DNAJA2: variants seen among roughly 807,000 people sequenced by gnomAD.
DNAJA2 encodes DnaJ heat shock protein family (Hsp40) member A2.
A neutral mutation model predicts 49.3 loss-of-function variants in DNAJA2; 6 were observed. That is an observed-to-expected ratio of 0.12 (90% confidence interval 0.07 to 0.24). DNAJA2 has a LOEUF of 0.24. Ranked by LOEUF, DNAJA2 falls within the 10% of genes least tolerant of loss-of-function variation. The pLI is 1.00. For missense variants in DNAJA2, 347 were observed against 516.8 expected, an observed-to-expected ratio of 0.67 and a Z score of 3.19; for synonymous variants, 160 against 172.7, an observed-to-expected ratio of 0.93 and a Z score of 0.58.
intron 6 of DNAJA2, 59 bp from the exon 7 acceptor site, chr16:46,959,478 A>C (rs951793265): frequency 4.1e-6 from 6 of 1,462,064 alleles, no homozygotes; most frequent in Non-Finnish European, 5.7e-6. Context: ...TACACCCTGC[A>C]GCATTATGTT....
At position 46,957,119 on chromosome 16, in the gene DNAJA2, T is replaced by C. The variant is rs752435428; in HGVS notation, c.1149A>G (p.Gly383=). ...LQEFDSTRGS[G]GGQRREAYND... ...TATAGGCTTCACGCCTCTGACCACC[T>C]CCTGAGCCTCGAGTGCTATCAAATT... The change falls in exon 9 of 9, where the codon GGA becomes GGG. Residue 383 remains glycine (G), a synonymous_variant. Transcript: ENST00000317089. 4 of 1,614,040 alleles carry C rather than the reference T, an allele frequency of 2.5e-6. No homozygotes were observed. The African/African-American group carries it at 5.3e-5, about 22-fold the overall frequency.
At chr16:46,966,794 T>G (rs1289249083) in intron 5 of DNAJA2, among the ~76,000 whole-genome samples, 1 of 152,198 alleles carries the variant, frequency 6.6e-6, no homozygotes, top group Non-Finnish European at 1.5e-5. Context: ...ATCTTCCACT[T>G]ATCAGAATAA....
intron 8 of DNAJA2, 43 bp from the exon 9 acceptor site, chr16:46,957,263 C>T: frequency 2.0e-6 from 3 of 1,508,220 alleles, no homozygotes; most frequent in Non-Finnish European, 1.8e-6. Context: ...GTAATATTTT[C>T]ATCAACTTTC....
At chr16:46,972,397 C>T (rs1962065617) in intron 1 of DNAJA2, 1 of 155,734 alleles carries the variant, frequency 6.4e-6, no homozygotes, top group African/African-American at 2.4e-5. Flanking sequence ...TGGCTCACGC[C>T]TTCCTTCTAA....
chr16:46,973,008 C>T (rs1962078780), intron 1 of DNAJA2: 1 of 151,634 alleles, frequency 6.6e-6, no homozygotes, highest in Admixed American at 6.6e-5. Context: ...CCGAGGCGCT[C>T]TGTGGGGGCG....
intron 8 of DNAJA2, among the ~76,000 whole-genome samples, chr16:46,958,150 T>C (rs976042754): frequency 4.6e-5 from 7 of 151,762 alleles, no homozygotes; most frequent in Non-Finnish European, 1.5e-5. Context: ...AACATCTCTA[T>C]AAAAAGTTTT....
chr16:46,962,998 C>T lies in DNAJA2; in HGVS notation c.774+1613G>A, dbSNP rs1287870848. The stretch of plus-strand genomic sequence containing the variant: ...ATGATCACCACAGAAGGACGATCTC[C>T]TTCTTTATCAAATATAACCTTTAAA... On this transcript the variant is annotated intron_variant, in intron 6 of 8. Transcript: ENST00000317089. Among the ~76,000 whole-genome samples, 4 of 152,158 alleles carry T rather than the reference C, an allele frequency of 2.6e-5. No individual in the cohort carries two copies. In the East Asian group the frequency reaches 7.7e-4, roughly 29 times the overall value.
At chr16:46,966,905 A>T (rs1022250139) in intron 5 of DNAJA2, among the ~76,000 whole-genome samples, 3 of 152,222 alleles carry the variant, frequency 2.0e-5, no homozygotes, top group Non-Finnish European at 2.9e-5. Context: ...TATGGTGGTC[A>T]TTCCTACAGA....
At chr16:46,973,153 T>A (rs1415981110) in intron 1 of DNAJA2, among the ~76,000 whole-genome samples, 2 of 152,026 alleles carry the variant, frequency 1.3e-5, no homozygotes, top group African/African-American at 4.8e-5. Context: ...GGTGGTGACC[T>A]CGACGCGAAG....
intron 3 of DNAJA2, among the ~76,000 whole-genome samples, chr16:46,970,480 T>C (rs1297219539): frequency 6.6e-6 from 1 of 152,224 alleles, no homozygotes; most frequent in African/African-American, 2.4e-5. Flanking sequence ...CAGTGGCTTA[T>C]GCCTGTAATC....
chr16:46,958,190 C>T (rs1003266123), intron 8 of DNAJA2, among the ~76,000 whole-genome samples: 9 of 151,924 alleles, frequency 5.9e-5, no homozygotes, highest in African/African-American at 2.2e-4. Context: ...TGGTGGTACA[C>T]ACCCGTAGCA....
At position 46,959,967 on chromosome 16, in the gene DNAJA2, A is replaced by G. The variant is rs561762212; in HGVS notation, c.775-548T>C. On this transcript the variant is annotated intron_variant, in intron 6 of 8. Coordinates refer to ENST00000317089, the MANE Select transcript of DNAJA2 (RefSeq NM_005880.4). ...AAACTGGCTCATTCAATATTACACTATAAGCCTATGGACTAGGTAATGCAA... is the reference window on the plus strand; with the variant it reads ...AAACTGGCTCATTCAATATTACACTGTAAGCCTATGGACTAGGTAATGCAA... Among the ~76,000 whole-genome samples, 12 of 152,366 alleles carry G rather than the reference A, an allele frequency of 7.9e-5. No homozygotes were observed. The East Asian group carries it at 2.3e-3, about 29-fold the overall frequency.
rs79090468 is a variant in DNAJA2 at position 46,962,687 on chromosome 16, T to A, written c.774+1924A>T. Among the ~76,000 whole-genome samples, 18 of 152,346 alleles carry A rather than the reference T, an allele frequency of 1.2e-4. No individual in the cohort carries two copies. In the East Asian group the frequency reaches 3.3e-3, roughly 28 times the overall value. ...AATAGCAAATCTTGTAAATATTTCA[T>A]TCTACAAGACCCAAAGGCAGAATTC... On this transcript the variant is annotated intron_variant, in intron 6 of 8. Coordinates refer to ENST00000317089, the MANE Select transcript of DNAJA2 (RefSeq NM_005880.4).
chr16:46,958,883 G>A, intron 8 of DNAJA2, 120 bp downstream of exon 8: 1 of 1,089,136 alleles, frequency 9.2e-7, no homozygotes, highest in Non-Finnish European at 1.3e-6. Flanking sequence ...GGTCGAGGCT[G>A]CAGTGAGCCA....
Position 46,967,585 on chromosome 16 carries a change from T to G in DNAJA2, c.505A>C (p.Ile169Leu), listed in dbSNP as rs779007173. The change falls in exon 5 of 9, where the codon ATC becomes CTC. Residue 169 changes from isoleucine to leucine, a missense_variant. Ile to Leu is a conservative substitution (Grantham distance 5). Coordinates refer to ENST00000317089, the MANE Select transcript of DNAJA2 (RefSeq NM_005880.4). Reference protein sequence around the residue: ...CSACRGRGVRIMIRQLAPGMV... With the variant: ...CSACRGRGVRLMIRQLAPGMV... The stretch of plus-strand genomic sequence containing the variant: ...CCTGGAGCCAGCTGTCTGATCATGA[T>G]GCGCACACCTCGACCTCGACAAGCA... The G allele has an allele frequency of 6.2e-7, 1 of 1,614,090 alleles. No homozygotes were observed.
At chr16:46,968,223 A>G (rs1567354513) in intron 3 of DNAJA2, 59 bp from the exon 4 acceptor site, 4 of 1,211,258 alleles carry the variant, frequency 3.3e-6, no homozygotes, top group Non-Finnish European at 4.7e-6. Context: ...AATACAAGAT[A>G]TAAGTAACAG....
rs56341873 is a variant in DNAJA2 at position 46,955,854 on chromosome 16, CTTT to C, written c.*1172_*1174del. The C allele has an allele frequency of 6.8e-6, 1 of 147,264 alleles. No homozygotes were observed. The highest frequency in any genetic ancestry group is 1.5e-5 in the Non-Finnish European group (1 of 66,542). 9.1% of individuals were successfully genotyped at this position (147,264 alleles called of 1,614,324 possible). ...TTTACCTGATTTTTCTCAAACCAGC[CTTT>C]TTTTTTTGCTTATTTTTAGTTTGAA... On this transcript the variant is annotated 3_prime_UTR_variant, in exon 9 of 9. Coordinates refer to ENST00000317089, the MANE Select transcript of DNAJA2 (RefSeq NM_005880.4).
At chr16:46,972,549 A>C (rs1224821943) in intron 1 of DNAJA2, 1 of 153,440 alleles carries the variant, frequency 6.5e-6, no homozygotes, top group African/African-American at 2.4e-5. Flanking sequence ...TTTGGGTCCT[A>C]AAGCACTTAA....
Position 46,967,437 on chromosome 16 carries a change from A to C in DNAJA2, c.577+76T>G, listed in dbSNP as rs1961987939. 2.5e-6 allele frequency: 4 copies of C among 1,579,466 alleles called. No homozygotes were observed. In the East Asian group the frequency reaches 9.0e-5, roughly 36 times the overall value. Reference sequence around the variant, plus strand: ...TGTATACAAATACCCTTTGAAATAAAAAATTGTAAACCTCTCCAATATCTG... The same window carrying C: ...TGTATACAAATACCCTTTGAAATAACAAATTGTAAACCTCTCCAATATCTG... On this transcript the variant is annotated intron_variant, in intron 5 of 8. Coordinates refer to ENST00000317089, the MANE Select transcript of DNAJA2 (RefSeq NM_005880.4).
Sources: allele counts gnomAD v4.1 joint callset (sites outside exome capture counted in the v4.1 genomes callset), GRCh38; gene constraint gnomAD v4.1.1; transcripts MANE v1.5; gene names NCBI Gene and HGNC (gene_info 2026-07-23, HGNC 2026-07-21).